Variants in ZNF581 observed in about 807,000 individuals in gnomAD.
The protein encoded by ZNF581 is zinc finger protein 581.
In ZNF581, 1 loss-of-function variant was observed where a neutral mutation model predicts 1.2. The observed-to-expected ratio is 0.83, with a 90% confidence interval of 0.30 to 3.95. The LOEUF (loss-of-function observed/expected upper bound fraction) is 3.95. Ranked by LOEUF, ZNF581 falls within the 30% of genes most tolerant of loss-of-function variation. The probability of loss-of-function intolerance (pLI) is 0.18; values close to 1 mark genes in which losing one functional copy is unlikely to be tolerated. For synonymous variants in ZNF581, 105 were observed against 109.2 expected (o/e 0.96, Z 0.24); for missense variants, 273 against 274.6 (o/e 0.99, Z 0.04).
Position 55,644,234 on chromosome 19 carries a change from G to C in ZNF581, c.-19-319G>C, listed in dbSNP as rs1377664453. Among the ~76,000 whole-genome samples, 3 of 152,118 alleles carry C rather than the reference G, an allele frequency of 2.0e-5. No individual in the cohort carries two copies. Among genetic ancestry groups the C allele is most frequent in the East Asian group, 1.9e-4 (1 of 5,172 alleles). On this transcript the variant is annotated intron_variant, in intron 1 of 1. Coordinates refer to ENST00000270451, the MANE Select transcript of ZNF581 (RefSeq NM_016535.4). The surrounding 1 kb of genome is among the most constrained non-coding windows in gnomAD (Gnocchi z 4.3). ...AGGGAGAGGCCTGGAGGCCTGCGGG[G>C]TGGGGCACCCAGTGACCTGGGAGGG...
chr19:55,644,817 C>T lies in ZNF581; in HGVS notation c.246C>T (p.Gly82=). The change falls in exon 2 of 2, where the codon GGC becomes GGT. Residue 82 remains glycine, a synonymous_variant. Coordinates refer to ENST00000270451, the MANE Select transcript of ZNF581 (RefSeq NM_016535.4). The surrounding 1 kb of genome is among the most constrained non-coding windows in gnomAD (Gnocchi z 4.3). Reference sequence around the variant, plus strand: ...AGCCAGGGGCCAGTGGGGCTCCAGGCCAGAAAAAGTGCTACAGCTGCCCCG... The same window carrying T: ...AGCCAGGGGCCAGTGGGGCTCCAGGTCAGAAAAAGTGCTACAGCTGCCCCG... ...QREPGASGAP[G]QKKCYSCPVC... 2 of 1,612,358 alleles carry T rather than the reference C, an allele frequency of 1.2e-6. No homozygotes were observed. Among genetic ancestry groups the T allele is most frequent in the Non-Finnish European group, 8.5e-7 (1 of 1,178,544 alleles).
At chr19:55,636,854 G>C (rs891721373), upstream of ZNF581, among the ~76,000 whole-genome samples, 1 of 152,228 alleles carries the variant, frequency 6.6e-6, no homozygotes, top group African/African-American at 2.4e-5. Flanking sequence ...ATCACAGAGA[G>C]GGGAGGAGCT....
At chr19:55,640,001 A>T (rs898735728), upstream of ZNF581, 1 of 354,442 alleles carries the variant, frequency 2.8e-6, no homozygotes, top group African/African-American at 2.2e-5. Context: ...GTGGCTAGTG[A>T]CTGTCATAGA....
At chr19:55,640,338 G>A (rs75498600), upstream of ZNF581, 35,608 of 985,142 alleles carry the variant, frequency 0.036, 959 homozygotes, top group South Asian at 0.17. Flanking sequence ...CAGCCCGCGA[G>A]CCCGCATCAG....
chr19:55,642,779 G>T, upstream of ZNF581: 1 of 1,554,358 alleles, frequency 6.4e-7, no homozygotes. Flanking sequence ...CCCTCGCAAG[G>T]GCTACAGCTG....
chr19:55,645,357 G>T lies in ZNF581; in HGVS notation c.*192G>T. ...ATCTTCAGGTCCTCCGTGTTCTGGA[G>T]CTGAGATGGGAATGAGCCCCTACAC... On this transcript the variant is annotated 3_prime_UTR_variant, in exon 2 of 2. Coordinates refer to ENST00000270451, the MANE Select transcript of ZNF581 (RefSeq NM_016535.4). 1 of 499,012 alleles carries T rather than the reference G, an allele frequency of 2.0e-6. No individual in the cohort carries two copies. Among genetic ancestry groups the T allele is most frequent in the Non-Finnish European group, 3.6e-6 (1 of 280,084 alleles). The allele number at this position is 499,012 out of a possible 1,614,324, so 30.9% of individuals were successfully genotyped here.
Position 55,644,424 on chromosome 19 carries a change from A to T in ZNF581, c.-19-129A>T. 1.6e-6 allele frequency: 1 copy of T among 640,882 alleles called. No homozygotes were observed. Among genetic ancestry groups the T allele is most frequent in the Non-Finnish European group, 2.7e-6 (1 of 375,128 alleles). 39.7% of individuals were successfully genotyped at this position (640,882 alleles called of 1,614,324 possible). The stretch of plus-strand genomic sequence containing the variant: ...AGACTCCAGCTGTGAGCGGGACTGG[A>T]AAAGAGGGACTGAGGGGCAGCAGGA... On this transcript the variant is annotated intron_variant, in intron 1 of 1. Transcript: ENST00000270451. This position sits in a 1 kb window ranked among gnomAD's most constrained non-coding sequence, Gnocchi z 4.3.
chr19:55,640,307 CA>C, upstream of ZNF581: 3 of 985,128 alleles, frequency 3.0e-6, no homozygotes, highest in Non-Finnish European at 3.6e-6. Flanking sequence ...GCCCGGGCCT[CA>C]AGTGCCCCAG....
chr19:55,641,276 G>C, upstream of ZNF581: 7 of 814,834 alleles, frequency 8.6e-6, no homozygotes, highest in Non-Finnish European at 1.0e-5. Flanking sequence ...CCCGGGATGG[G>C]GGTGGGGGTC....
upstream of ZNF581, chr19:55,642,474 A>T: frequency 1.4e-6 from 2 of 1,407,330 alleles, no homozygotes; most frequent in Non-Finnish European, 1.8e-6. Flanking sequence ...AATTTTAACT[A>T]ATCTCCCCTC....
In ZNF581 at chr19:55,644,847, C is replaced by T; in HGVS notation, c.276C>T (p.Cys92=). Residue 92 remains cysteine (C), a synonymous_variant, in exon 2 of 2, where the codon TGC becomes TGT. Coordinates refer to ENST00000270451, the MANE Select transcript of ZNF581 (RefSeq NM_016535.4). The surrounding 1 kb of genome is among the most constrained non-coding windows in gnomAD (Gnocchi z 4.3). ...GQKKCYSCPV[C]SRVFEYMSYL... Reference sequence around the variant, plus strand: ...AAAAGTGCTACAGCTGCCCCGTGTGCTCAAGGGTCTTCGAGTACATGTCCT... The same window carrying T: ...AAAAGTGCTACAGCTGCCCCGTGTGTTCAAGGGTCTTCGAGTACATGTCCT... 1 of 1,613,404 alleles carries T rather than the reference C, an allele frequency of 6.2e-7. No individual in the cohort carries two copies.
At position 55,644,569 on chromosome 19, in the gene ZNF581, C is replaced by T. The variant is rs774024048; in HGVS notation, c.-3C>T. ...ATCCACCAGGCCTCAGCCAGCCCTC[C>T]GGATGCTGGTGCTGCCATCCCCCTG... On this transcript the variant is annotated 5_prime_UTR_variant, in exon 2 of 2. Coordinates refer to ENST00000270451, the MANE Select transcript of ZNF581 (RefSeq NM_016535.4). The surrounding 1 kb of genome is among the most constrained non-coding windows in gnomAD (Gnocchi z 4.3). 20 of 1,582,996 alleles carry T rather than the reference C, an allele frequency of 1.3e-5. No homozygotes were observed. The highest frequency in any genetic ancestry group is 6.8e-5 in the East Asian group (3 of 43,876).
chr19:55,645,042 G>C lies in ZNF581; in HGVS notation c.471G>C (p.Ala157=), dbSNP rs761741315. Residue 157 remains alanine (A), a synonymous_variant, in exon 2 of 2, where the codon GCG becomes GCC. Coordinates refer to ENST00000270451, the MANE Select transcript of ZNF581 (RefSeq NM_016535.4). ...TCTGCCCTCGCCGCTTCCGGGATGCGGGTGAGCTGGCCCAGCACAGCCGGG... is the reference window on the plus strand; with the variant it reads ...TCTGCCCTCGCCGCTTCCGGGATGCCGGTGAGCTGGCCCAGCACAGCCGGG... ...CPLCPRRFRD[A]GELAQHSRVH... 4 of 1,586,366 alleles carry C rather than the reference G, an allele frequency of 2.5e-6. No homozygotes were observed. The highest frequency in any genetic ancestry group is 1.7e-5 in the Admixed American group (1 of 58,644).
chr19:55,635,683 A>C (rs1210048669), exon 1 of ZNF581: 1 of 988,078 alleles, frequency 1.0e-6, no homozygotes, highest in Non-Finnish European at 1.2e-6. Context: ...TGGAGAAGTC[A>C]GAATGATTCG....
chr19:55,639,616 T>A (rs1982318737), upstream of ZNF581, among the ~76,000 whole-genome samples: 1 of 152,170 alleles, frequency 6.6e-6, no homozygotes, highest in Non-Finnish European at 1.5e-5. Context: ...AAATTTTGAT[T>A]ATGGGAAATT....
At chr19:55,642,891 C>G (rs768551457), upstream of ZNF581, 457 of 1,558,450 alleles carry the variant, frequency 2.9e-4, no homozygotes, top group Non-Finnish European at 3.7e-4. Context: ...TGCGGCAAGG[C>G]CTTCAAGCGC....
chr19:55,644,445 C>A lies in ZNF581; in HGVS notation c.-19-108C>A. ...CTGGAAAAGAGGGACTGAGGGGCAG[C>A]AGGATGCAGAGGTCCTGGGCCGGGT... On this transcript the variant is annotated intron_variant, in intron 1 of 1. Coordinates refer to ENST00000270451, the MANE Select transcript of ZNF581 (RefSeq NM_016535.4). The surrounding 1 kb of genome is among the most constrained non-coding windows in gnomAD (Gnocchi z 4.3). The A allele has an allele frequency of 1.5e-6, 1 of 684,788 alleles. No homozygotes were observed. 42.4% of individuals were successfully genotyped at this position (684,788 alleles called of 1,614,324 possible).
upstream of ZNF581, chr19:55,635,056 G>A (rs1341443858): frequency 1.3e-5 from 2 of 152,182 alleles, no homozygotes. Flanking sequence ...GGGAGACCGG[G>A]CCGGATTGCG....
At chr19:55,642,256 G>A, upstream of ZNF581, 1 of 1,230,726 alleles carries the variant, frequency 8.1e-7, no homozygotes, top group Non-Finnish European at 1.0e-6. Context: ...GTGAGAGGTG[G>A]ACCCAGGAGG....
Sources: allele counts gnomAD v4.1 joint callset (sites outside exome capture counted in the v4.1 genomes callset), GRCh38; gene constraint gnomAD v4.1.1; non-coding constraint Gnocchi (gnomAD v3.1); transcripts MANE v1.5; gene names NCBI Gene and HGNC (gene_info 2026-07-23, HGNC 2026-07-21).